The following OXR1 variants were observed in gnomAD, a reference collection of about 807,000 sequenced individuals.
OXR1 encodes oxidation resistance 1.
A neutral mutation model predicts 104.6 loss-of-function variants in OXR1; 41 were observed. The observed-to-expected ratio is 0.39, with a 90% confidence interval of 0.31 to 0.51. The LOEUF (loss-of-function observed/expected upper bound fraction) is 0.51, where lower values mean the gene tolerates loss of function less well. Ranked by LOEUF, OXR1 falls within the 20% of genes least tolerant of loss-of-function variation. OXR1 has a pLI of 0.77. For missense variants in OXR1, 955 were observed against 1,031.9 expected (o/e 0.93, Z 1.02); for synonymous variants, 348 against 348.4 (o/e 1.00, Z 0.01).
At chr8:106,727,832 T>C (rs1833499767) in intron 11 of OXR1, among the ~76,000 whole-genome samples, 1 of 152,226 alleles carries the variant, frequency 6.6e-6, no homozygotes, top group South Asian at 2.1e-4. Context: ...ACATATATGT[T>C]ATTTAATTGA....
intron 2 of OXR1, among the ~76,000 whole-genome samples, chr8:106,484,920 G>A (rs1018944050): frequency 2.0e-5 from 3 of 152,018 alleles, no homozygotes; most frequent in Admixed American, 1.3e-4. Context: ...AAATTTGGAA[G>A]CAACCAAGAT....
chr8:106,323,782 G>A (rs1406720908), intron 1 of OXR1, among the ~76,000 whole-genome samples: 1 of 152,158 alleles, frequency 6.6e-6, no homozygotes, highest in Non-Finnish European at 1.5e-5. Context: ...CTGACCATTA[G>A]AGAAATGCAA....
intron 11 of OXR1, among the ~76,000 whole-genome samples, chr8:106,723,032 A>G (rs1271456268): frequency 3.9e-5 from 6 of 152,104 alleles, no homozygotes; most frequent in African/African-American, 1.2e-4. Context: ...TTGCTAGCCC[A>G]AAGTTATGAG....
intron 3 of OXR1, among the ~76,000 whole-genome samples, chr8:106,521,405 A>G (rs1813246528): frequency 6.6e-6 from 1 of 152,158 alleles, no homozygotes. Context: ...TGGGGTCATG[A>G]GCTGTAGAGA....
chr8:106,641,532 G>GT (rs1359432342), intron 3 of OXR1, among the ~76,000 whole-genome samples: 1 of 152,200 alleles, frequency 6.6e-6, no homozygotes, highest in Non-Finnish European at 1.5e-5. Context: ...TGCCAGAGGT[G>GT]TAAGGTGGTT....
At chr8:106,287,729 AT>A (rs1812558667) in intron 1 of OXR1, among the ~76,000 whole-genome samples, 1 of 152,168 alleles carries the variant, frequency 6.6e-6, no homozygotes, top group Non-Finnish European at 1.5e-5. Context: ...TAATGAACTG[AT>A]GGCTTAATAA....
chr8:106,408,702 T>A (rs1818341549), intron 2 of OXR1, among the ~76,000 whole-genome samples: 1 of 152,152 alleles, frequency 6.6e-6, no homozygotes, highest in Non-Finnish European at 1.5e-5. Context: ...TGCACGTGGG[T>A]GTAATCGTGA....
At chr8:106,657,292 G>C (rs1825179137) in intron 3 of OXR1, among the ~76,000 whole-genome samples, 1 of 149,582 alleles carries the variant, frequency 6.7e-6, no homozygotes, top group South Asian at 2.1e-4. Context: ...GTCTTACGTT[G>C]AAGGTATCTC....
Position 106,750,880 on chromosome 8 carries a change from G to A in OXR1, c.2561G>A (p.Arg854His), listed in dbSNP as rs200966082. 89 of 1,605,894 alleles carry A rather than the reference G, an allele frequency of 5.5e-5. No homozygotes were observed. Among genetic ancestry groups the A allele is most frequent in the African/African-American group, 1.1e-4 (8 of 74,654 alleles). ...RSHSCKTFGNRTLSKKEDFFI... is the reference protein window; with the variant it reads ...RSHSCKTFGNHTLSKKEDFFI... ...CATTCTTGTAAAACGTTTGGGAATC[G>A]TACACTTTCTAAGAAGGAAGATTTC... Residue 854 changes from arginine to histidine, a missense_variant, in exon 17 of 17, where the codon CGT (arginine) becomes CAT (histidine). Arg to His is a conservative substitution (Grantham distance 29). Transcript: ENST00000517566.
intron 2 of OXR1, among the ~76,000 whole-genome samples, chr8:106,470,409 T>G (rs1821423662): frequency 6.7e-6 from 1 of 149,702 alleles, no homozygotes; most frequent in Admixed American, 6.6e-5. Context: ...AAGAAGGAAA[T>G]CAAGAATAAG....
chr8:106,353,602 A>AT, intron 1 of OXR1, among the ~76,000 whole-genome samples: 1 of 151,874 alleles, frequency 6.6e-6, no homozygotes, highest in South Asian at 2.1e-4. Flanking sequence ...TTTTTTTCTT[A>AT]TTTTTTAATT....
chr8:106,742,181 T>A, intron 14 of OXR1, 41 bp from the exon 15 acceptor site: 1 of 1,075,408 alleles, frequency 9.3e-7, no homozygotes, highest in Non-Finnish European at 1.4e-6. Context: ...CTGGAATAAA[T>A]TTGTTAGTCG....
At chr8:106,566,425 A>G (rs1043825322) in intron 3 of OXR1, among the ~76,000 whole-genome samples, 16 of 152,224 alleles carry the variant, frequency 1.1e-4, no homozygotes, top group African/African-American at 3.6e-4. Context: ...ATGAGATACC[A>G]TCTCATGCCT....
intron 9 of OXR1, among the ~76,000 whole-genome samples, chr8:106,710,164 C>T (rs1324417136): frequency 1.3e-5 from 2 of 152,092 alleles, no homozygotes; most frequent in Non-Finnish European, 2.9e-5. Flanking sequence ...ATTTTGTATA[C>T]ATGTAAAAGC....
chr8:106,398,778 T>C, intron 2 of OXR1, among the ~76,000 whole-genome samples: 1 of 152,120 alleles, frequency 6.6e-6, no homozygotes, highest in East Asian at 1.9e-4. Flanking sequence ...GTGAATCAGT[T>C]AGTTTTCATT....
chr8:106,610,112 T>A (rs1161369688), intron 3 of OXR1, among the ~76,000 whole-genome samples: 1 of 151,912 alleles, frequency 6.6e-6, no homozygotes, highest in Non-Finnish European at 1.5e-5. Flanking sequence ...TTTTTTTTTT[T>A]TTTTTATAAT....
intron 1 of OXR1, among the ~76,000 whole-genome samples, chr8:106,343,043 C>G (rs1815321155): frequency 6.6e-6 from 1 of 152,216 alleles, no homozygotes; most frequent in African/African-American, 2.4e-5. Context: ...CAGTCAGTCC[C>G]TGACTATCTT....
intron 7 of OXR1, chr8:106,697,976 C>T: frequency 6.2e-7 from 1 of 1,613,034 alleles, no homozygotes; most frequent in Non-Finnish European, 8.5e-7. Context: ...TGCTGCACCT[C>T]CTGGCTCAGG....
At chr8:106,519,254 T>G (rs556116028) in intron 3 of OXR1, 115 bp downstream of exon 3, 43 of 671,710 alleles carry the variant, frequency 6.4e-5, no homozygotes, top group Non-Finnish European at 1.0e-4. Context: ...TAAATCTTTC[T>G]GATGGTTTAT....
Sources: gnomAD v4.1 joint callset for allele counts (sites outside exome capture counted in the v4.1 genomes callset) on GRCh38, gnomAD v4.1.1 for gene constraint, MANE v1.5 for transcripts, NCBI Gene and HGNC (gene_info 2026-07-23, HGNC 2026-07-21) for gene names.